Variants in SPATA2L observed in about 807,000 individuals in gnomAD.
SPATA2L encodes spermatogenesis-associated protein 2-like protein.
In SPATA2L, 5 loss-of-function variants were observed where a neutral mutation model predicts 8.7. The observed-to-expected ratio is 0.57, with a 90% CI of 0.30 to 1.21. SPATA2L has a LOEUF of 1.21. Ranked by LOEUF, SPATA2L falls within the 50% of genes most tolerant of loss-of-function variation. SPATA2L has a pLI of 0.07. For synonymous variants in SPATA2L, 358 were observed against 275.8 expected (o/e 1.30, Z -2.95); for missense variants, 671 against 591.0 (o/e 1.14, Z -1.40).
Position 89,697,624 on chromosome 16 carries a change from C to G in SPATA2L, c.985G>C (p.Ala329Pro). ...PGDLATPESS[A>P]AASPRRIRAE... ...CGAATACGCCTCGGGCTGGCCGCTG[C>G]AGAGCTTTCAGGGGTGGCCAGGTCC... Residue 329 changes from alanine to proline, a missense_variant, in exon 3 of 3, where the codon GCA (alanine) becomes CCA (proline). By Grantham distance (27) the Ala-to-Pro change is conservative (BLOSUM62 -1). Transcript: ENST00000289805. 1.9e-6 allele frequency: 3 copies of G among 1,606,278 alleles called. No homozygotes were observed. The highest frequency in any genetic ancestry group is 2.5e-6 in the Non-Finnish European group (3 of 1,179,712).
chr16:89,699,377 G>C (rs563067048), intron 2 of SPATA2L, among the ~76,000 whole-genome samples: 15 of 152,136 alleles, frequency 9.9e-5, no homozygotes, highest in Middle Eastern at 6.8e-3. Flanking sequence ...TAAACGTGTT[G>C]TTCTGAACTT....
rs1291603322 is a variant in SPATA2L, at chr16:89,696,956, G to C, written c.*378C>G. The C allele has an allele frequency of 4.0e-5, 60 of 1,497,582 alleles. No individual in the cohort carries two copies. Among genetic ancestry groups the C allele is most frequent in the Non-Finnish European group, 1.8e-6 (2 of 1,122,614 alleles). The allele number at this position is 1,497,582 out of a possible 1,614,324, so 92.8% of individuals were successfully genotyped here. On this transcript the variant is annotated 3_prime_UTR_variant, in exon 3 of 3. Transcript: ENST00000289805. ...GACACGTGGAGGACCCCCAAGTCCT[G>C]AGCCCCGTACTCCGTACTGCAGGGA...
chr16:89,696,722 C>A lies in SPATA2L; in HGVS notation c.*612G>T, dbSNP rs1171281519. On this transcript the variant is annotated 3_prime_UTR_variant, in exon 3 of 3. Coordinates refer to ENST00000289805, the MANE Select transcript of SPATA2L (RefSeq NM_152339.4). The stretch of plus-strand genomic sequence containing the variant: ...AGCCACTGCCCGTTCCTGCGCCTCT[C>A]GTGCACCTCCACATCTGGTTTGAGG... 3 of 1,436,890 alleles carry A rather than the reference C, an allele frequency of 2.1e-6. No individual in the cohort carries two copies. The East Asian group carries it at 7.5e-5, about 36-fold the overall frequency. The allele number at this position is 1,436,890 out of a possible 1,614,324, so 89.0% of individuals were successfully genotyped here. A position where few individuals can be genotyped will look rare whatever the true frequency, so the allele number is the denominator to read the frequency against.
Position 89,696,929 on chromosome 16 carries a change from G to A in SPATA2L, c.*405C>T. ...GAGGACACTCGTGTGGAGAATCCCT[G>A]GGACACGTGGAGGACCCCCAAGTCC... On this transcript the variant is annotated 3_prime_UTR_variant, in exon 3 of 3. Transcript: ENST00000289805. 2 of 1,518,268 alleles carry A rather than the reference G, an allele frequency of 1.3e-6. No individual in the cohort carries two copies. Among genetic ancestry groups the A allele is most frequent in the South Asian group, 2.4e-5 (2 of 82,220 alleles). 94.0% of individuals were successfully genotyped at this position (1,518,268 alleles called of 1,614,324 possible).
Position 89,701,043 on chromosome 16 carries a change from G to A in SPATA2L, c.190C>T (p.Arg64Cys), listed in dbSNP as rs1414138531. 1.9e-6 allele frequency: 3 copies of A among 1,570,746 alleles called. No individual in the cohort carries two copies. The highest frequency in any genetic ancestry group is 1.8e-5 in the Admixed American group (1 of 55,374). ...LALLTDGLWG[R>C]ADLAPALRGL... is the part of the protein sequence containing the mutation. ...CGTAGCGCGGGCGCCAGGTCGGCGC[G>A]GCCCCACAGCCCGTCGGTGAGCAGA... Residue 64 changes from arginine to cysteine, a missense_variant, in exon 2 of 3, where the codon CGC (arginine) becomes TGC (cysteine). Arg to Cys is a radical substitution (Grantham distance 180). Coordinates refer to ENST00000289805, the MANE Select transcript of SPATA2L (RefSeq NM_152339.4).
chr16:89,701,509 C>T (rs956672604), intron 1 of SPATA2L, 119 bp downstream of exon 1: 4 of 387,140 alleles, frequency 1.0e-5, no homozygotes, highest in Admixed American at 4.6e-5. Context: ...TCCAGGGGCG[C>T]CCCCGGTTAT....
Position 89,701,041 on chromosome 16 carries a change from G to A in SPATA2L, c.192C>T (p.Arg64=), listed in dbSNP as rs374172307. 2.2e-5 allele frequency: 35 copies of A among 1,570,604 alleles called. No individual in the cohort carries two copies. Among genetic ancestry groups the A allele is most frequent in the Non-Finnish European group, 2.8e-5 (33 of 1,161,666 alleles). The change falls in exon 2 of 3, where the codon CGC becomes CGT. Residue 64 remains arginine (R), a synonymous_variant. Transcript: ENST00000289805. The stretch of plus-strand genomic sequence containing the variant: ...CGCGTAGCGCGGGCGCCAGGTCGGC[G>A]CGGCCCCACAGCCCGTCGGTGAGCA... ...LALLTDGLWG[R]ADLAPALRGL...
At chr16:89,698,964 A>T (rs2060757154) in intron 2 of SPATA2L, among the ~76,000 whole-genome samples, 1 of 150,776 alleles carries the variant, frequency 6.6e-6, no homozygotes, top group South Asian at 2.1e-4. Context: ...ATTTTTGTAT[A>T]TTTAGTAGAG....
Position 89,697,670 on chromosome 16 carries a change from G to A in SPATA2L, c.939C>T (p.Arg313=), listed in dbSNP as rs777674001. The change falls in exon 3 of 3, where the codon CGC becomes CGT. Residue 313 remains arginine (R), a synonymous_variant. Coordinates refer to ENST00000289805, the MANE Select transcript of SPATA2L (RefSeq NM_152339.4). ...GGTCCCCAGGCCTACTCAGCTCACG[G>A]CGCAGAGAGAGGAAGGAGAAGGCGG... ...EPSAFSFLSL[R]RELSRPGDLA... 6.2e-7 allele frequency: 1 copy of A among 1,611,006 alleles called. No individual in the cohort carries two copies. Among genetic ancestry groups the A allele is most frequent in the Non-Finnish European group, 8.5e-7 (1 of 1,179,836 alleles).
chr16:89,699,912 C>T (rs2060764693), intron 2 of SPATA2L, among the ~76,000 whole-genome samples: 1 of 152,206 alleles, frequency 6.6e-6, no homozygotes, highest in African/African-American at 2.4e-5. Flanking sequence ...ACAATCACTG[C>T]GAGCGTCTCC....
chr16:89,698,452 C>T, intron 2 of SPATA2L, 147 bp from the exon 3 acceptor site: 1 of 502,196 alleles, frequency 2.0e-6, no homozygotes, highest in Non-Finnish European at 3.4e-6. Flanking sequence ...CCAGCTTGGG[C>T]CAGGCCCAAA....
In SPATA2L at chr16:89,696,547, A is replaced by G; in HGVS notation, c.*787T>C. The G allele has an allele frequency of 2.2e-6, 1 of 449,738 alleles. No homozygotes were observed. Among genetic ancestry groups the G allele is most frequent in the Non-Finnish European group, 4.0e-6 (1 of 252,204 alleles). 27.9% of individuals were successfully genotyped at this position (449,738 alleles called of 1,614,324 possible). A position where few individuals can be genotyped will look rare whatever the true frequency, so the allele number is the denominator to read the frequency against. ...CCAGACCCGAGGGTAGGGCAGAGGC[A>G]CCTCCTCGCCAGCCTGTGGGCTGCA... On this transcript the variant is annotated 3_prime_UTR_variant, in exon 3 of 3. Coordinates refer to ENST00000289805, the MANE Select transcript of SPATA2L (RefSeq NM_152339.4).
Position 89,697,607 on chromosome 16 carries a change from C to T in SPATA2L, c.1002G>A (p.Arg334=). 6.2e-7 allele frequency: 1 copy of T among 1,603,996 alleles called. No individual in the cohort carries two copies. The highest frequency in any genetic ancestry group is 1.7e-5 in the Admixed American group (1 of 59,890). Residue 334 remains arginine, a synonymous_variant, in exon 3 of 3, where the codon AGG becomes AGA. Transcript: ENST00000289805. ...TPESSAAASP[R]RIRAEGVPAS... ...CTGGTACCCCCTCTGCCCGAATACGCCTCGGGCTGGCCGCTGCAGAGCTTT... is the reference window on the plus strand; with the variant it reads ...CTGGTACCCCCTCTGCCCGAATACGTCTCGGGCTGGCCGCTGCAGAGCTTT...
Position 89,701,227 on chromosome 16 carries a change from G to A in SPATA2L, c.6C>T (p.Gly2=). Residue 2 remains glycine (G), a synonymous_variant, in exon 2 of 3, where the codon GGC becomes GGT. Coordinates refer to ENST00000289805, the MANE Select transcript of SPATA2L (RefSeq NM_152339.4). M[G]SSSLSEDYRQ... ...GGTAGTCCTCGGACAGCGAGCTGCT[G>A]CCCATCCTGCGGCGGACGGGGGTCG... The A allele has an allele frequency of 1.4e-6, 2 of 1,422,592 alleles. No individual in the cohort carries two copies. Among genetic ancestry groups the A allele is most frequent in the East Asian group, 2.9e-5 (1 of 34,592 alleles). The allele number at this position is 1,422,592 out of a possible 1,614,324, so 88.1% of individuals were successfully genotyped here.
In SPATA2L at chr16:89,696,651, G is replaced by T; in HGVS notation, c.*683C>A. On this transcript the variant is annotated 3_prime_UTR_variant, in exon 3 of 3. Coordinates refer to ENST00000289805, the MANE Select transcript of SPATA2L (RefSeq NM_152339.4). ...CGCCGCCTGGGCGGGCTGTCCACAG[G>T]CCCTTCCGCCCAGCAGCAGTGACGC... 1 of 907,092 alleles carries T rather than the reference G, an allele frequency of 1.1e-6. No homozygotes were observed. The highest frequency in any genetic ancestry group is 1.6e-6 in the Non-Finnish European group (1 of 613,714). The allele number at this position is 907,092 out of a possible 1,614,324, so 56.2% of individuals were successfully genotyped here.
chr16:89,697,886 G>A lies in SPATA2L; in HGVS notation c.723C>T (p.Ser241=). ...GGCCTGGTGACGGCTCCCCATACAG[G>A]CTGGCGTCCTCCGACCCCTCGTCTT... ...LQEDEGSEDA[S]LYGEPSPGPD... is the part of the protein sequence containing the mutation. Residue 241 remains serine, a synonymous_variant, in exon 3 of 3, where the codon AGC becomes AGT. Transcript: ENST00000289805. 2.5e-6 allele frequency: 4 copies of A among 1,611,742 alleles called. No individual in the cohort carries two copies. Among genetic ancestry groups the A allele is most frequent in the Non-Finnish European group, 3.4e-6 (4 of 1,179,680 alleles).
intron 2 of SPATA2L, 77 bp from the exon 3 acceptor site, chr16:89,698,382 T>G (rs2060752149): frequency 2.0e-6 from 3 of 1,474,446 alleles, no homozygotes; most frequent in Non-Finnish European, 2.7e-6. Context: ...GTCCGGGATC[T>G]GTTGGCTCAG....
chr16:89,696,554 C>T lies in SPATA2L; in HGVS notation c.*780G>A, dbSNP rs1317105163. On this transcript the variant is annotated 3_prime_UTR_variant, in exon 3 of 3. Coordinates refer to ENST00000289805, the MANE Select transcript of SPATA2L (RefSeq NM_152339.4). ...CGAGGGTAGGGCAGAGGCACCTCCT[C>T]GCCAGCCTGTGGGCTGCACCCACAG... The T allele has an allele frequency of 1.1e-4, 52 of 467,518 alleles. No individual in the cohort carries two copies. The highest frequency in any genetic ancestry group is 1.7e-4 in the Non-Finnish European group (44 of 263,114). The allele number at this position is 467,518 out of a possible 1,614,324, so 29.0% of individuals were successfully genotyped here.
chr16:89,698,766 C>T (rs917588807), intron 2 of SPATA2L, among the ~76,000 whole-genome samples: 5 of 150,936 alleles, frequency 3.3e-5, no homozygotes, highest in Non-Finnish European at 5.9e-5. Flanking sequence ...GGATTACAAG[C>T]GTGAGCCACT....
Sources: allele counts gnomAD v4.1 joint callset (sites outside exome capture counted in the v4.1 genomes callset), GRCh38; gene constraint gnomAD v4.1.1; transcripts MANE v1.5; gene names NCBI Gene and HGNC (gene_info 2026-07-23, HGNC 2026-07-21).